Variants in PACS1 observed in about 807,000 individuals in gnomAD.
PACS1 encodes PACS-1.
Under a neutral mutation model 115.0 loss-of-function variants are expected in PACS1, and 24 were observed. The ratio of observed to expected loss-of-function variants is 0.21; its 90% CI spans 0.15 to 0.29. PACS1 has a LOEUF of 0.29. PACS1 is among the 10% of genes least tolerant of loss of function. The probability of loss-of-function intolerance (pLI) is 1.00; values close to 1 mark genes in which losing one functional copy is unlikely to be tolerated. For synonymous variants in PACS1, 453 were observed against 504.5 expected, an observed-to-expected ratio of 0.90 and a Z score of 1.37; for missense variants, 838 against 1,251.2, an observed-to-expected ratio of 0.67 and a Z score of 4.98.
intron 1 of PACS1, among the ~76,000 whole-genome samples, chr11:66,157,970 T>C (rs1463761593): frequency 6.6e-6 from 1 of 152,214 alleles, no homozygotes; most frequent in East Asian, 1.9e-4. Flanking sequence ...AGCACCTCTT[T>C]TGTTTTTTGA....
At chr11:66,111,643 C>CT (rs930937664) in intron 1 of PACS1, among the ~76,000 whole-genome samples, 14 of 151,912 alleles carry the variant, frequency 9.2e-5, no homozygotes, top group South Asian at 2.1e-4. Flanking sequence ...GATTATTATT[C>CT]TTTTTTTTGT....
chr11:66,238,698 A>G, intron 19 of PACS1, 106 bp from the exon 20 acceptor site: 1 of 1,061,348 alleles, frequency 9.4e-7, no homozygotes, highest in Non-Finnish European at 1.4e-6. Flanking sequence ...TCGGCAATAA[A>G]ATAATGTGTA....
chr11:66,214,243 C>T (rs968057260), intron 4 of PACS1, among the ~76,000 whole-genome samples: 10 of 152,122 alleles, frequency 6.6e-5, no homozygotes, highest in South Asian at 4.2e-4. Context: ...AGTTCCAGCC[C>T]GTCTTTCTGT....
intron 1 of PACS1, among the ~76,000 whole-genome samples, chr11:66,086,771 A>G (rs948494200): frequency 6.6e-6 from 1 of 151,950 alleles, no homozygotes; most frequent in Non-Finnish European, 1.5e-5. Context: ...ACACACCACC[A>G]TGCCTGGCCA....
chr11:66,120,469 G>A (rs1422181328), intron 1 of PACS1, among the ~76,000 whole-genome samples: 2 of 152,198 alleles, frequency 1.3e-5, no homozygotes, highest in African/African-American at 4.8e-5. Context: ...TTTGCTTAAT[G>A]AAAGAGATAT....
At chr11:66,094,339 C>T (rs1475982889) in intron 1 of PACS1, among the ~76,000 whole-genome samples, 16 of 149,990 alleles carry the variant, frequency 1.1e-4, no homozygotes, top group East Asian at 2.0e-4. Context: ...ATCAAATAGA[C>T]GCAATAAAAA....
At position 66,233,160 on chromosome 11, in the gene PACS1, C is replaced by T. The variant is rs565154450; in HGVS notation, c.1838+94C>T. Reference sequence around the variant, plus strand: ...TCTAAGCAATGATAGACCCTCCTGGCCTCATCAGACCAAGAATTTGCAGAG... The same window carrying T: ...TCTAAGCAATGATAGACCCTCCTGGTCTCATCAGACCAAGAATTTGCAGAG... On this transcript the variant is annotated intron_variant, in intron 15 of 23. Transcript: ENST00000320580. This position sits in a 1 kb window ranked among gnomAD's most constrained non-coding sequence, Gnocchi z 4.5. 1.5e-4 allele frequency: 133 copies of T among 909,998 alleles called. No individual in the cohort carries two copies. The South Asian group carries it at 2.0e-3, about 14-fold the overall frequency. 56.4% of individuals were successfully genotyped at this position (909,998 alleles called of 1,614,324 possible).
At chr11:66,197,188 T>C (rs1439791548) in intron 2 of PACS1, among the ~76,000 whole-genome samples, 1 of 152,142 alleles carries the variant, frequency 6.6e-6, no homozygotes, top group Non-Finnish European at 1.5e-5. Context: ...ATCCAAGAGA[T>C]GCAGGGTTAG....
chr11:66,074,596 G>A (rs1857362710), intron 1 of PACS1, among the ~76,000 whole-genome samples: 1 of 152,150 alleles, frequency 6.6e-6, no homozygotes, highest in Admixed American at 6.5e-5. Flanking sequence ...TGTATCATTC[G>A]CAAACCATAT....
chr11:66,221,227 G>C lies in PACS1; in HGVS notation c.1273G>C (p.Gly425Arg). Residue 425 changes from glycine (G) to arginine (R), a missense_variant, in exon 10 of 24, where the codon GGA becomes CGA. Physicochemically the swap from Gly to Arg is moderately radical, Grantham distance 125. Transcript: ENST00000320580. The part of the protein sequence containing the change: ...IGSLNSKGSL[G>R]KDTTSPMELA... ...CAGCCTCAACAGCAAAGGCAGCCTCGGAAAAGACACCACCAGCCCTGTGAG... is the reference window on the plus strand; with the variant it reads ...CAGCCTCAACAGCAAAGGCAGCCTCCGAAAAGACACCACCAGCCCTGTGAG... The C allele has an allele frequency of 6.2e-7, 1 of 1,614,188 alleles. No individual in the cohort carries two copies. The highest frequency in any genetic ancestry group is 2.2e-5 in the East Asian group (1 of 44,880).
At chr11:66,209,137 G>T (rs1393251175) in intron 2 of PACS1, among the ~76,000 whole-genome samples, 1 of 151,916 alleles carries the variant, frequency 6.6e-6, no homozygotes, top group Admixed American at 6.6e-5. Context: ...GGTTACAGAG[G>T]AAGTTCCTGG....
At chr11:66,138,988 G>A (rs1419067899) in intron 1 of PACS1, among the ~76,000 whole-genome samples, 1 of 151,986 alleles carries the variant, frequency 6.6e-6, no homozygotes, top group Non-Finnish European at 1.5e-5. Flanking sequence ...GCCGCTGTCT[G>A]TATTTTTAAA....
chr11:66,232,118 C>G, intron 13 of PACS1, 54 bp from the exon 14 acceptor site: 1 of 1,156,514 alleles, frequency 8.6e-7, no homozygotes, highest in Non-Finnish European at 1.3e-6. Context: ...GCAGCCCTGT[C>G]CTCAGGCTCC....
chr11:66,148,352 C>T (rs1385819630), intron 1 of PACS1, among the ~76,000 whole-genome samples: 7 of 151,940 alleles, frequency 4.6e-5, no homozygotes, highest in African/African-American at 1.5e-4. Flanking sequence ...ATGGGTGTCT[C>T]GTGAGGCTGT....
At chr11:66,079,936 C>G (rs1199448967) in intron 1 of PACS1, among the ~76,000 whole-genome samples, 1 of 152,184 alleles carries the variant, frequency 6.6e-6, no homozygotes, top group Non-Finnish European at 1.5e-5. Flanking sequence ...ATACCCTTTC[C>G]CTGGATCCTT....
chr11:66,170,859 G>A (rs1368399212), intron 1 of PACS1, among the ~76,000 whole-genome samples: 4 of 145,764 alleles, frequency 2.7e-5, no homozygotes, highest in East Asian at 2.0e-4. Flanking sequence ...GCAGTGAGCC[G>A]AGATTGTGCT....
At chr11:66,104,056 A>T (rs1857979604) in intron 1 of PACS1, among the ~76,000 whole-genome samples, 2 of 151,954 alleles carry the variant, frequency 1.3e-5, no homozygotes, top group African/African-American at 4.8e-5. Context: ...TAACCACAAT[A>T]CCATTATCTC....
At chr11:66,139,113 A>G (rs1858917462) in intron 1 of PACS1, among the ~76,000 whole-genome samples, 1 of 152,194 alleles carries the variant, frequency 6.6e-6, no homozygotes, top group African/African-American at 2.4e-5. Context: ...TTGCAACCTG[A>G]AAACATCATG....
At chr11:66,134,738 T>G (rs1438314730) in intron 1 of PACS1, among the ~76,000 whole-genome samples, 2 of 152,044 alleles carry the variant, frequency 1.3e-5, no homozygotes, top group Admixed American at 1.3e-4. Flanking sequence ...ATGGCCAGTG[T>G]AGAAACTTGG....
Sources: allele counts gnomAD v4.1 joint callset (sites outside exome capture counted in the v4.1 genomes callset), GRCh38; gene constraint gnomAD v4.1.1; non-coding constraint Gnocchi (gnomAD v3.1); transcripts MANE v1.5; gene names NCBI Gene and HGNC (gene_info 2026-07-23, HGNC 2026-07-21).